The following SLC28A2 variants were observed in gnomAD, a reference collection of about 807,000 sequenced individuals.
The protein encoded by SLC28A2 is sodium/nucleoside cotransporter 2.
Under a neutral mutation model 72.9 loss-of-function variants are expected in SLC28A2, and 69 were observed. That is an observed-to-expected ratio of 0.95 (90% CI 0.78 to 1.16). The LOEUF is 1.16. Ranked by LOEUF, SLC28A2 falls within the 50% of genes most tolerant of loss-of-function variation. The probability of loss-of-function intolerance (pLI) is 0.00; values close to 1 mark genes in which losing one functional copy is unlikely to be tolerated. For synonymous variants in SLC28A2, 296 were observed against 294.1 expected, an observed-to-expected ratio of 1.01 and a Z score of -0.07; for missense variants, 745 against 791.1, an observed-to-expected ratio of 0.94 and a Z score of 0.70.
chr15:45,263,288 C>T (rs2140567672), intron 5 of SLC28A2, 44 bp downstream of exon 5: 1 of 1,574,522 alleles, frequency 6.4e-7, no homozygotes, highest in Non-Finnish European at 8.6e-7. Context: ...CTTATCCCAG[C>T]CCACCTCCTT....
rs1258278390 is a variant in SLC28A2 at position 45,253,454 on chromosome 15, G to A, written c.104G>A (p.Gly35Glu). The part of the protein sequence containing the change: ...ELMEKEVEPE[G>E]SKRTDAQGHS... The stretch of plus-strand genomic sequence containing the variant: ...TAGGAAAAAGAAGTAGAGCCTGAGG[G>A]AAGCAAGAGGACTGACGCACAAGGA... Residue 35 changes from glycine to glutamate, a missense_variant, in exon 3 of 18, where the codon GGA (glycine) becomes GAA (glutamate). Coordinates refer to ENST00000347644, the MANE Select transcript of SLC28A2 (RefSeq NM_004212.4). 1 of 1,613,798 alleles carries A rather than the reference G, an allele frequency of 6.2e-7. No individual in the cohort carries two copies. Among genetic ancestry groups the A allele is most frequent in the Non-Finnish European group, 8.5e-7 (1 of 1,179,800 alleles).
chr15:45,265,479 A>G, intron 8 of SLC28A2, 104 bp from the exon 9 acceptor site: 1 of 824,398 alleles, frequency 1.2e-6, no homozygotes, highest in Non-Finnish European at 2.1e-6. Flanking sequence ...CTGAATACCT[A>G]CACTGTATGA....
intron 17 of SLC28A2, among the ~76,000 whole-genome samples, chr15:45,274,288 C>CA (rs1900680847): frequency 1.3e-5 from 2 of 152,120 alleles, no homozygotes; most frequent in East Asian, 3.9e-4. Flanking sequence ...CACTTAAGCT[C>CA]AGGAGTTCAA....
chr15:45,260,480 T>C (rs371722000), intron 3 of SLC28A2, among the ~76,000 whole-genome samples: 2 of 152,224 alleles, frequency 1.3e-5, no homozygotes, highest in African/African-American at 4.8e-5. Context: ...TCCTCAGGTA[T>C]GCTGGCCCTT....
In SLC28A2 at chr15:45,263,232, T is replaced by C. The variant is rs1900218954; in HGVS notation, c.434T>C (p.Leu145Pro). The change falls in exon 5 of 18, where the codon CTT becomes CCT. Residue 145 changes from leucine to proline, a missense_variant. Physicochemically the swap from Leu to Pro is moderately conservative, Grantham distance 98. Coordinates refer to ENST00000347644, the MANE Select transcript of SLC28A2 (RefSeq NM_004212.4). ...LKPFENSRLR[L>P]WTKWVFAGVS... ...CCCTTTGAAAACTCCCGCCTGAGGC[T>C]TTGGACGAAATGGTAAGATAAGAAT... 3.1e-6 allele frequency: 5 copies of C among 1,613,418 alleles called. No individual in the cohort carries two copies. The highest frequency in any genetic ancestry group is 4.2e-6 in the Non-Finnish European group (5 of 1,179,842).
chr15:45,268,459 A>C, intron 13 of SLC28A2, 81 bp downstream of exon 13: 3 of 1,158,714 alleles, frequency 2.6e-6, no homozygotes, highest in Non-Finnish European at 3.7e-6. Context: ...AATCAAAACC[A>C]CAATGAGATA....
Position 45,265,149 on chromosome 15 carries a change from G to A in SLC28A2, c.763G>A (p.Asp255Asn), listed in dbSNP as rs1303258890. ...TGTCTTTGGGGATACACTGGTCAAG[G>A]ATGTCTTTGCTTTTCAGGTGATACC... ...SFVFGDTLVK[D>N]VFAFQALPII... is the part of the protein sequence containing the mutation. Residue 255 changes from aspartate to asparagine, a missense_variant, in exon 8 of 18, where the codon GAT (aspartate) becomes AAT (asparagine). Coordinates refer to ENST00000347644, the MANE Select transcript of SLC28A2 (RefSeq NM_004212.4). 6.2e-7 allele frequency: 1 copy of A among 1,609,674 alleles called. No homozygotes were observed.
chr15:45,253,784 T>C lies in SLC28A2; in HGVS notation c.170+264T>C, dbSNP rs946415243. 1.0e-5 allele frequency: 3 copies of C among 287,956 alleles called. No homozygotes were observed. In the Admixed American group the frequency reaches 1.4e-4, roughly 13 times the overall value. 17.8% of individuals were successfully genotyped at this position (287,956 alleles called of 1,614,324 possible). On this transcript the variant is annotated intron_variant, in intron 3 of 17. Coordinates refer to ENST00000347644, the MANE Select transcript of SLC28A2 (RefSeq NM_004212.4). Reference sequence around the variant, plus strand: ...CAGATTTTGAGTGTATACTTACTATTTTGCAGATTGCTTTATGTTATACAT... The same window carrying C: ...CAGATTTTGAGTGTATACTTACTATCTTGCAGATTGCTTTATGTTATACAT...
At chr15:45,271,623 TAGA>T (rs1309701745) in intron 15 of SLC28A2, among the ~76,000 whole-genome samples, 2 of 76,650 alleles carry the variant, frequency 2.6e-5, no homozygotes, top group Non-Finnish European at 5.6e-5. Flanking sequence ...GAAGGAATCT[TAGA>T]AGGAGTAGAT....
chr15:45,272,604 A>G lies in SLC28A2; in HGVS notation c.1748-69A>G, dbSNP rs1441824565. On this transcript the variant is annotated intron_variant, in intron 16 of 17. Coordinates refer to ENST00000347644, the MANE Select transcript of SLC28A2 (RefSeq NM_004212.4). ...ATCAAGAGTGTCCACAATTCGTGCCAAAAGAATAAAGAGCCTTGAGAAGCA... is the reference window on the plus strand; with the variant it reads ...ATCAAGAGTGTCCACAATTCGTGCCGAAAGAATAAAGAGCCTTGAGAAGCA... 3.0e-6 allele frequency: 3 copies of G among 994,236 alleles called. No homozygotes were observed. In the African/African-American group the frequency reaches 4.8e-5, roughly 16 times the overall value. The allele number at this position is 994,236 out of a possible 1,614,324, so 61.6% of individuals were successfully genotyped here.
chr15:45,263,928 TAGACAC>T lies in SLC28A2; in HGVS notation c.497_502del (p.Asp166_Thr167del). ...GTTGGCCTTATACTGTGGTTGGCTT[TAGACAC>T]AGCCCAAAGGCCAGAGCAGCTGATC... On this transcript the variant is annotated inframe_deletion, in exon 6 of 18. Transcript: ENST00000347644. 1.2e-6 allele frequency: 2 copies of T among 1,613,692 alleles called. No individual in the cohort carries two copies. The highest frequency in any genetic ancestry group is 1.7e-6 in the Non-Finnish European group (2 of 1,179,784).
intron 3 of SLC28A2, among the ~76,000 whole-genome samples, chr15:45,256,489 C>G (rs1899983880): frequency 6.6e-6 from 1 of 151,956 alleles, no homozygotes; most frequent in Non-Finnish European, 1.5e-5. Context: ...ATCACTGCAA[C>G]CTCCACCTCC....
In SLC28A2 at chr15:45,253,221, G is replaced by C; in HGVS notation, c.6G>C (p.Glu2Asp). The C allele has an allele frequency of 6.2e-7, 1 of 1,612,042 alleles. No individual in the cohort carries two copies. The highest frequency in any genetic ancestry group is 2.2e-5 in the East Asian group (1 of 44,876). The change falls in exon 2 of 18, where the codon GAG becomes GAC. Residue 2 changes from glutamate (E) to aspartate (D), a missense_variant. By Grantham distance (45) the Glu-to-Asp change is conservative. Coordinates refer to ENST00000347644, the MANE Select transcript of SLC28A2 (RefSeq NM_004212.4). MEKASGRQSIAL... is the reference protein window; with the variant it reads MDKASGRQSIAL... The stretch of plus-strand genomic sequence containing the variant: ...TCAGTTGAGGAGAACAGGAGATGGA[G>C]AAAGCAAGTGGAAGACAGTCCATTG...
At position 45,275,645 on chromosome 15, in the gene SLC28A2, T is replaced by C. The variant is rs1019390022; in HGVS notation, c.*132T>C. On this transcript the variant is annotated 3_prime_UTR_variant, in exon 18 of 18. Transcript: ENST00000347644. ...AGTAAGTAACAGTAAATGTAAAAGATTCATTTTGGGCCGGGCTCAGTGGCT... is the reference window on the plus strand; with the variant it reads ...AGTAAGTAACAGTAAATGTAAAAGACTCATTTTGGGCCGGGCTCAGTGGCT... 1.5e-6 allele frequency: 1 copy of C among 674,946 alleles called. No individual in the cohort carries two copies. The highest frequency in any genetic ancestry group is 1.8e-5 in the African/African-American group (1 of 55,686). The allele number at this position is 674,946 out of a possible 1,614,324, so 41.8% of individuals were successfully genotyped here. A position where few individuals can be genotyped will look rare whatever the true frequency, so the allele number is the denominator to read the frequency against.
chr15:45,263,065 T>G lies in SLC28A2; in HGVS notation c.267T>G (p.Tyr89Ter). ...CTCTGCTTCTTCTCTTTTTAGCCTA[T>G]GCTGCCTATCTCCTGGCAGCTTGCA... is the stretch of plus-strand genomic sequence containing the variant. ...KILLGLLCLA[Y>*]AAYLLAACIL... is the part of the protein sequence containing the mutation. Residue 89 changes from tyrosine (Y) to a stop codon, truncating the protein, a stop_gained, in exon 5 of 18, where the codon TAT (tyrosine) becomes TAG (stop). Transcript: ENST00000347644. LOFTEE classifies it high-confidence loss of function. The G allele has an allele frequency of 6.2e-7, 1 of 1,612,620 alleles. No homozygotes were observed. The highest frequency in any genetic ancestry group is 8.5e-7 in the Non-Finnish European group (1 of 1,179,332).
chr15:45,263,108 G>A lies in SLC28A2; in HGVS notation c.310G>A (p.Ala104Thr), dbSNP rs948812068. The change falls in exon 5 of 18, where the codon GCA becomes ACA. Residue 104 changes from alanine (A) to threonine (T), a missense_variant. Transcript: ENST00000347644. Reference sequence around the variant, plus strand: ...AGCTTGCATCTTGAATTTCCAGAGGGCACTGGCCTTGTTTGTCATCACCTG... The same window carrying A: ...AGCTTGCATCTTGAATTTCCAGAGGACACTGGCCTTGTTTGTCATCACCTG... Reference protein sequence around the residue: ...LAACILNFQRALALFVITCLV... With the variant: ...LAACILNFQRTLALFVITCLV... 1.2e-6 allele frequency: 2 copies of A among 1,613,954 alleles called. No homozygotes were observed. The highest frequency in any genetic ancestry group is 2.7e-5 in the African/African-American group (2 of 75,036).
chr15:45,254,354 T>C (rs1194033104), intron 3 of SLC28A2, among the ~76,000 whole-genome samples: 1 of 152,200 alleles, frequency 6.6e-6, no homozygotes, highest in South Asian at 2.1e-4. Flanking sequence ...ACGGTGTATA[T>C]CATTACACAA....
chr15:45,268,855 A>T (rs947942905), intron 13 of SLC28A2, among the ~76,000 whole-genome samples: 1 of 152,142 alleles, frequency 6.6e-6, no homozygotes, highest in Non-Finnish European at 1.5e-5. Context: ...TGATGAGTTC[A>T]CGTCCTTTGT....
chr15:45,253,146 C>A, intron 1 of SLC28A2, 54 bp from the exon 2 acceptor site: 1 of 1,200,366 alleles, frequency 8.3e-7, no homozygotes. Flanking sequence ...TCTCCCCATC[C>A]CCACAGAACA....
Sources: gnomAD v4.1 joint callset for allele counts (sites outside exome capture counted in the v4.1 genomes callset) on GRCh38, gnomAD v4.1.1 for gene constraint, MANE v1.5 for transcripts, NCBI Gene and HGNC (gene_info 2026-07-23, HGNC 2026-07-21) for gene names.